Variants in GPHN observed in about 807,000 individuals in gnomAD.
GPHN encodes the protein gephyrin.
GPHN carries 17 observed loss-of-function variants against 95.5 expected under a neutral mutation model. The ratio of observed to expected loss-of-function variants is 0.18; its 90% confidence interval spans 0.12 to 0.27. The LOEUF (loss-of-function observed/expected upper bound fraction) is 0.27, where lower values mean the gene tolerates loss of function less well. Ranked by LOEUF, GPHN falls within the 10% of genes least tolerant of loss-of-function variation. GPHN has a pLI of 1.00. For synonymous variants in GPHN, 320 were observed against 322.5 expected, an observed-to-expected ratio of 0.99 and a Z score of 0.08; for missense variants, 660 against 978.1, an observed-to-expected ratio of 0.67 and a Z score of 4.34.
At chr14:67,215,516 C>A in the GPHN span, among the ~76,000 whole-genome samples, 3 of 144,652 alleles carry the variant, frequency 2.1e-5, no homozygotes, top group South Asian at 4.2e-4. Context: ...GATTAAAAAA[C>A]AACAACAACA....
intron 1 of GPHN, among the ~76,000 whole-genome samples, chr14:66,511,465 G>A (rs2058038783): frequency 6.6e-6 from 1 of 152,062 alleles, no homozygotes; most frequent in African/African-American, 2.4e-5. Context: ...TACAAAGATA[G>A]TGGAAAGTGT....
chr14:67,302,052 T>TCC, the GPHN span: 4 of 1,609,576 alleles, frequency 2.5e-6, no homozygotes, highest in Non-Finnish European at 1.7e-6. Context: ...TTTATGAAAG[T>TCC]ATTGGCCAGT....
At chr14:67,037,431 T>C (rs1244566458) in intron 10 of GPHN, among the ~76,000 whole-genome samples, 3 of 151,948 alleles carry the variant, frequency 2.0e-5, no homozygotes, top group Non-Finnish European at 4.4e-5. Flanking sequence ...AGACAACTTA[T>C]ACAAATGTAG....
intron 1 of GPHN, among the ~76,000 whole-genome samples, chr14:66,665,956 A>G (rs1044921399): frequency 2.0e-5 from 3 of 152,190 alleles, no homozygotes; most frequent in Non-Finnish European, 4.4e-5. Context: ...TTGTAGGGGC[A>G]TGGATGAAGC....
intron 3 of GPHN, among the ~76,000 whole-genome samples, chr14:66,814,047 A>G (rs2060866681): frequency 6.6e-6 from 1 of 152,168 alleles, no homozygotes. Context: ...ATGTCTACAC[A>G]GGTGGCTTTT....
chr14:67,323,529 A>C, the GPHN span, among the ~76,000 whole-genome samples: 1 of 151,448 alleles, frequency 6.6e-6, no homozygotes, highest in Non-Finnish European at 1.5e-5. Context: ...ATGAGGGGCC[A>C]CTTGAGTGCA....
At chr14:67,294,636 T>A in the GPHN span, 1 of 152,162 alleles carries the variant, frequency 6.6e-6, no homozygotes, top group African/African-American at 2.4e-5. Flanking sequence ...ATCTAGCATA[T>A]TTACTAATAA....
At chr14:67,162,449 C>T (rs2153720703) in intron 19 of GPHN, among the ~76,000 whole-genome samples, 1 of 152,292 alleles carries the variant, frequency 6.6e-6, no homozygotes, top group African/African-American at 2.4e-5. Flanking sequence ...CACACAAATA[C>T]AATCTGGCTT....
chr14:66,863,953 C>G (rs542865492), intron 4 of GPHN, among the ~76,000 whole-genome samples: 1 of 151,942 alleles, frequency 6.6e-6, no homozygotes, highest in Non-Finnish European at 1.5e-5. Flanking sequence ...GCAACCAAAG[C>G]AAAAATGGAC....
chr14:66,686,711 G>T (rs7141819), intron 2 of GPHN, among the ~76,000 whole-genome samples: 1 of 152,090 alleles, frequency 6.6e-6, no homozygotes, highest in South Asian at 2.1e-4. Context: ...GACAATTTGA[G>T]TTCTTCTTTT....
At chr14:66,690,433 G>C (rs531214449) in intron 2 of GPHN, among the ~76,000 whole-genome samples, 2 of 152,108 alleles carry the variant, frequency 1.3e-5, no homozygotes, top group Non-Finnish European at 2.9e-5. Context: ...GTTGAGCCTT[G>C]TTTTGTGACC....
intron 4 of GPHN, among the ~76,000 whole-genome samples, chr14:66,856,361 C>T (rs1170550273): frequency 1.3e-5 from 2 of 152,004 alleles, no homozygotes; most frequent in African/African-American, 4.8e-5. Context: ...AGTGTTGCAT[C>T]CTGAAATTAT....
At chr14:66,950,790 C>G (rs976115121) in intron 8 of GPHN, among the ~76,000 whole-genome samples, 21 of 152,238 alleles carry the variant, frequency 1.4e-4, no homozygotes, top group African/African-American at 4.8e-4. Context: ...CCCTCTCATT[C>G]ATTTTTATTT....
At chr14:67,365,772 A>G in the GPHN span, among the ~76,000 whole-genome samples, 3 of 152,174 alleles carry the variant, frequency 2.0e-5, no homozygotes, top group East Asian at 1.9e-4. Flanking sequence ...CCTTGATTCA[A>G]CTTACCCTTC....
At chr14:66,880,100 AT>A (rs1376076661) in intron 5 of GPHN, 67 bp downstream of exon 5, 4 of 990,062 alleles carry the variant, frequency 4.0e-6, no homozygotes, top group African/African-American at 1.6e-5. Context: ...ATTAAAAAAA[AT>A]CTACACTTTG....
chr14:67,216,069 CACCGTGTCCTCCT>C, the GPHN span, among the ~76,000 whole-genome samples: 1 of 152,154 alleles, frequency 6.6e-6, no homozygotes, highest in Non-Finnish European at 1.5e-5. Context: ...ACACGCCTCC[CACCGTGTCCTCCT>C]ACCAATCCCC....
At chr14:67,042,772 C>T in intron 10 of GPHN, among the ~76,000 whole-genome samples, 1 of 152,144 alleles carries the variant, frequency 6.6e-6, no homozygotes, top group South Asian at 2.1e-4. Context: ...TGAAGAAAGT[C>T]AATGGTAGCT....
intron 9 of GPHN, among the ~76,000 whole-genome samples, chr14:66,967,478 T>G (rs1361857882): frequency 6.6e-6 from 1 of 151,926 alleles, no homozygotes; most frequent in Non-Finnish European, 1.5e-5. Flanking sequence ...TAGTCATATA[T>G]TACAGGTTGA....
At chr14:66,835,689 A>G (rs2061772073) in intron 4 of GPHN, among the ~76,000 whole-genome samples, 1 of 152,160 alleles carries the variant, frequency 6.6e-6, no homozygotes, top group South Asian at 2.1e-4. Context: ...TTGTATATCT[A>G]GAAAACCCCA....
Sources: allele counts gnomAD v4.1 joint callset (sites outside exome capture counted in the v4.1 genomes callset), GRCh38; gene constraint gnomAD v4.1.1; transcripts MANE v1.5; gene names NCBI Gene and HGNC (gene_info 2026-07-23, HGNC 2026-07-21).